Variants in SLC45A2 observed in about 807,000 individuals in gnomAD.
SLC45A2 encodes membrane-associated transporter protein.
A neutral mutation model predicts 45.5 loss-of-function variants in SLC45A2; 36 were observed. The observed-to-expected ratio is 0.79, with a 90% CI of 0.61 to 1.04. SLC45A2 has a LOEUF of 1.04. Among genes scored for constraint, SLC45A2 ranks in the 50% least tolerant of loss-of-function variants. The probability of loss-of-function intolerance (pLI) is 0.00; values close to 1 mark genes in which losing one functional copy is unlikely to be tolerated. For missense variants in SLC45A2, 719 were observed against 671.0 expected (o/e 1.07, Z -0.79); for synonymous variants, 306 against 269.3 (o/e 1.14, Z -1.33).
intron 2 of SLC45A2, chr5:33,970,975 A>C (rs1450303075): frequency 2.1e-6 from 1 of 487,562 alleles, no homozygotes; most frequent in African/African-American, 2.0e-5. Flanking sequence ...AATTTACCAA[A>C]CCGTATGAAA....
intron 2 of SLC45A2, among the ~76,000 whole-genome samples, chr5:33,969,065 C>CTCTCTCTCTCTCTCTCTCTATG: frequency 2.0e-5 from 2 of 102,466 alleles, no homozygotes; most frequent in South Asian, 6.1e-4. Context: ...CTCTCTCTCT[C>CTCTCTCTCTCTCTCTCTCTATG]TGTGTGTGTG....
chr5:33,984,251 G>A lies in SLC45A2; in HGVS notation c.333C>T (p.Val111=). The A allele has an allele frequency of 6.2e-7, 1 of 1,614,148 alleles. No homozygotes were observed. The highest frequency in any genetic ancestry group is 1.3e-5 in the African/African-American group (1 of 75,044). The part of the protein sequence containing the change: ...RRRPYILTLG[V]MMLVGMALYL... The stretch of plus-strand genomic sequence containing the variant: ...ACAGAGCCATGCCCACGAGCATCAT[G>A]ACTCCCAGGGTGAGGATGTAGGGTC... The change falls in exon 1 of 7, where the codon GTC becomes GTT. Residue 111 remains valine, a synonymous_variant. Transcript: ENST00000296589.
intron 2 of SLC45A2, among the ~76,000 whole-genome samples, chr5:33,974,750 A>C (rs1378245872): frequency 6.6e-6 from 1 of 152,238 alleles, no homozygotes. Context: ...CATATCCCAC[A>C]TTTAACTCAC....
chr5:33,977,731 G>T (rs1397557370), intron 2 of SLC45A2, among the ~76,000 whole-genome samples: 2 of 152,156 alleles, frequency 1.3e-5, no homozygotes, highest in African/African-American at 4.8e-5. Flanking sequence ...AGACCTGCCC[G>T]CTGCTCCTGG....
At position 33,951,579 on chromosome 5, in the gene SLC45A2, G is replaced by A. The variant is rs1752097861; in HGVS notation, c.1131C>T (p.Asn377=). 1.2e-6 allele frequency: 2 copies of A among 1,614,028 alleles called. No homozygotes were observed. Among genetic ancestry groups the A allele is most frequent in the South Asian group, 1.1e-5 (1 of 91,082 alleles). Reference sequence around the variant, plus strand: ...AAGAATAAAGTGAGGAAAACACGGAGTTGATGCACAAGCCCCAACATCCAA... The same window carrying A: ...AAGAATAAAGTGAGGAAAACACGGAATTGATGCACAAGCCCCAACATCCAA... The part of the protein sequence containing the change: ...VEVGCWGLCI[N]SVFSSLYSYF... The change falls in exon 5 of 7, where the codon AAC becomes AAT. Residue 377 remains asparagine (N), a synonymous_variant. Coordinates refer to ENST00000296589, the MANE Select transcript of SLC45A2 (RefSeq NM_016180.5).
intron 2 of SLC45A2, among the ~76,000 whole-genome samples, chr5:33,970,502 C>T (rs1284143641): frequency 6.6e-6 from 1 of 152,206 alleles, no homozygotes; most frequent in Admixed American, 6.5e-5. Flanking sequence ...TGGGGTTCAA[C>T]TTTTAGAGGA....
intron 2 of SLC45A2, among the ~76,000 whole-genome samples, chr5:33,966,831 C>G (rs917017810): frequency 2.0e-5 from 3 of 152,070 alleles, no homozygotes; most frequent in Non-Finnish European, 4.4e-5. Context: ...AGAGTTAGAT[C>G]AGAAAGCTAT....
intron 3 of SLC45A2, among the ~76,000 whole-genome samples, chr5:33,957,996 A>T (rs1036874526): frequency 6.6e-6 from 1 of 152,200 alleles, no homozygotes; most frequent in Non-Finnish European, 1.5e-5. Context: ...TTCCTGACTC[A>T]TCAATTCCCT....
chr5:33,971,282 G>T, intron 2 of SLC45A2: 2 of 527,326 alleles, frequency 3.8e-6, no homozygotes, highest in Non-Finnish European at 7.7e-6. Flanking sequence ...TATCAGAATA[G>T]ATGTGGGAAT....
Position 33,947,205 on chromosome 5 carries a change from G to C in SLC45A2, c.1326C>G (p.Pro442=). ...GVMSSTLYTV[P]FNLITEYHRE... is the part of the protein sequence containing the mutation. ...GGTGGTACTCAGTAATGAGGTTAAA[G>C]GGCACAGTGTACAGGGTGCTGGACA... is the stretch of plus-strand genomic sequence containing the variant. Residue 442 remains proline, a synonymous_variant, in exon 6 of 7, where the codon CCC becomes CCG. Coordinates refer to ENST00000296589, the MANE Select transcript of SLC45A2 (RefSeq NM_016180.5). 3 of 1,614,212 alleles carry C rather than the reference G, an allele frequency of 1.9e-6. No homozygotes were observed. Among genetic ancestry groups the C allele is most frequent in the Non-Finnish European group, 2.5e-6 (3 of 1,180,046 alleles).
intron 4 of SLC45A2, among the ~76,000 whole-genome samples, chr5:33,953,298 T>G (rs1752172757): frequency 2.7e-5 from 3 of 112,986 alleles, no homozygotes; most frequent in Non-Finnish European, 5.9e-5. Context: ...TGAACTAGTT[T>G]ACAGTCCCAC....
intron 2 of SLC45A2, chr5:33,972,367 T>C (rs1427357765): frequency 2.6e-6 from 1 of 381,278 alleles, no homozygotes; most frequent in African/African-American, 2.1e-5. Flanking sequence ...TACATATTGA[T>C]TTGCCAAATG....
chr5:33,951,647 G>T lies in SLC45A2; in HGVS notation c.1063C>A (p.His355Asn). ...IVYRGDPYSAHNSTEFLIYER... is the reference protein window; with the variant it reads ...IVYRGDPYSANNSTEFLIYER... ...TAGATGAGAAACTCTGTGGAGTTGT[G>T]TGCACTATAGGGATCCCCGCGGTAC... Residue 355 changes from histidine to asparagine, a missense_variant, in exon 5 of 7, where the codon CAC (histidine) becomes AAC (asparagine). Physicochemically the swap from His to Asn is moderately conservative, Grantham distance 68 (BLOSUM62 1). Coordinates refer to ENST00000296589, the MANE Select transcript of SLC45A2 (RefSeq NM_016180.5). The T allele has an allele frequency of 1.2e-6, 2 of 1,614,188 alleles. No individual in the cohort carries two copies. Among genetic ancestry groups the T allele is most frequent in the Non-Finnish European group, 1.7e-6 (2 of 1,180,038 alleles).
intron 3 of SLC45A2, among the ~76,000 whole-genome samples, chr5:33,955,207 G>A (rs1365675799): frequency 1.3e-5 from 2 of 152,134 alleles, no homozygotes; most frequent in Non-Finnish European, 2.9e-5. Context: ...TAGGGGCTGA[G>A]AGCAACTCCA....
intron 6 of SLC45A2, chr5:33,946,815 G>T: frequency 8.0e-7 from 1 of 1,247,934 alleles, no homozygotes; most frequent in Non-Finnish European, 1.0e-6. Flanking sequence ...GACCTATGAG[G>T]TGGTTACAGA....
intron 3 of SLC45A2, among the ~76,000 whole-genome samples, chr5:33,959,477 A>G (rs1280671341): frequency 2.6e-5 from 4 of 151,666 alleles, no homozygotes; most frequent in Non-Finnish European, 1.5e-5. Context: ...GGTTGAGTCC[A>G]GGCATTAGGA....
intron 2 of SLC45A2, among the ~76,000 whole-genome samples, chr5:33,964,915 T>C (rs1752561186): frequency 6.6e-6 from 1 of 152,158 alleles, no homozygotes; most frequent in South Asian, 2.1e-4. Flanking sequence ...CAGACATCAG[T>C]GACTTCTGAT....
Position 33,947,505 on chromosome 5 carries a change from C to T in SLC45A2, c.1157-131G>A, listed in dbSNP as rs1391362255. On this transcript the variant is annotated intron_variant, in intron 5 of 6. Transcript: ENST00000296589. The stretch of plus-strand genomic sequence containing the variant: ...GATACTGAGCCAGGAACAAAAGAAT[C>T]CCCTTATCTGTGGGTTGAAAACAGC... The T allele has an allele frequency of 7.9e-6, 7 of 890,726 alleles. No individual in the cohort carries two copies. The South Asian group carries it at 1.1e-4, about 14-fold the overall frequency. The allele number at this position is 890,726 out of a possible 1,614,324, so 55.2% of individuals were successfully genotyped here. A position where few individuals can be genotyped will look rare whatever the true frequency, so the allele number is the denominator to read the frequency against.
Position 33,947,463 on chromosome 5 carries a change from C to T in SLC45A2, c.1157-89G>A. 4.9e-6 allele frequency: 6 copies of T among 1,214,992 alleles called. No individual in the cohort carries two copies. In the South Asian group the frequency reaches 7.5e-5, roughly 15 times the overall value. The allele number at this position is 1,214,992 out of a possible 1,614,324, so 75.3% of individuals were successfully genotyped here. On this transcript the variant is annotated intron_variant, in intron 5 of 6. Coordinates refer to ENST00000296589, the MANE Select transcript of SLC45A2 (RefSeq NM_016180.5). Reference sequence around the variant, plus strand: ...ACAATCCTTTCTTCTGAAGATTCACCTTTTTAGACATCCTTTGATACTGAG... The same window carrying T: ...ACAATCCTTTCTTCTGAAGATTCACTTTTTTAGACATCCTTTGATACTGAG...
Sources: allele counts gnomAD v4.1 joint callset (sites outside exome capture counted in the v4.1 genomes callset), GRCh38; gene constraint gnomAD v4.1.1; transcripts MANE v1.5; gene names NCBI Gene and HGNC (gene_info 2026-07-23, HGNC 2026-07-21).